The following SPON1 variants were observed in gnomAD, a reference collection of about 807,000 sequenced individuals.
SPON1 encodes the protein spondin 1.
In SPON1, 52 loss-of-function variants were observed where a neutral mutation model predicts 111.7. The ratio of observed to expected loss-of-function variants is 0.47; its 90% confidence interval spans 0.37 to 0.59. The LOEUF is 0.59. SPON1 is among the 20% of genes least tolerant of loss of function. The pLI, the probability that SPON1 is intolerant of heterozygous loss-of-function variation, is 0.00. For synonymous variants in SPON1, 410 were observed against 395.8 expected, an observed-to-expected ratio of 1.04 and a Z score of -0.43; for missense variants, 957 against 1,068.5, an observed-to-expected ratio of 0.90 and a Z score of 1.46.
At chr11:14,153,455 G>A (rs782634611) in intron 6 of SPON1, among the ~76,000 whole-genome samples, 12 of 152,116 alleles carry the variant, frequency 7.9e-5, no homozygotes, top group Admixed American at 7.9e-4. Flanking sequence ...AGAGCAGGGA[G>A]GGCCACACAC....
At chr11:14,202,860 G>A (rs1848478219) in intron 6 of SPON1, among the ~76,000 whole-genome samples, 1 of 152,048 alleles carries the variant, frequency 6.6e-6, no homozygotes, top group Admixed American at 6.5e-5. Context: ...ACACCGGGCA[G>A]AGTCAAGCAG....
chr11:14,209,236 T>C (rs1177185637), intron 6 of SPON1, among the ~76,000 whole-genome samples: 1 of 152,184 alleles, frequency 6.6e-6, no homozygotes, highest in Non-Finnish European at 1.5e-5. Context: ...AAAGCTTATA[T>C]GAGTGAGAGG....
chr11:14,211,040 GCCT>G (rs1471230112), intron 6 of SPON1, among the ~76,000 whole-genome samples: 1 of 152,158 alleles, frequency 6.6e-6, no homozygotes, highest in East Asian at 1.9e-4. Flanking sequence ...GTAGTGTGAT[GCCT>G]CTGGCTTTGT....
intron 6 of SPON1, among the ~76,000 whole-genome samples, chr11:14,221,111 G>A (rs551768878): frequency 6.6e-5 from 10 of 152,188 alleles, no homozygotes; most frequent in Admixed American, 3.3e-4. Flanking sequence ...TCACTTACTC[G>A]TTCATTCATT....
At chr11:13,989,639 G>C (rs776890153) in intron 2 of SPON1, among the ~76,000 whole-genome samples, 2 of 151,996 alleles carry the variant, frequency 1.3e-5, no homozygotes, top group African/African-American at 4.8e-5. Context: ...TTTGATGTTA[G>C]GGTGTCAATT....
chr11:14,105,419 T>C (rs1849177074), intron 5 of SPON1, among the ~76,000 whole-genome samples: 1 of 152,188 alleles, frequency 6.6e-6, no homozygotes, highest in Admixed American at 6.5e-5. Context: ...TTACCTATAC[T>C]ACCATTGTTT....
At chr11:14,208,487 A>G (rs11023142) in intron 6 of SPON1, among the ~76,000 whole-genome samples, 21,311 of 152,160 alleles carry the variant, frequency 0.14, 1,673 homozygotes, top group South Asian at 0.24. Context: ...AATATGTTAA[A>G]TGTTACCCAG....
intron 2 of SPON1, among the ~76,000 whole-genome samples, chr11:14,002,552 G>T (rs1384575621): frequency 6.6e-6 from 1 of 152,170 alleles, no homozygotes; most frequent in Admixed American, 6.5e-5. Context: ...GGAGGAATGT[G>T]GTAGGGAGTC....
At chr11:14,016,827 T>G (rs938705873) in intron 2 of SPON1, among the ~76,000 whole-genome samples, 2 of 152,338 alleles carry the variant, frequency 1.3e-5, no homozygotes, top group South Asian at 4.1e-4. Context: ...TTTTTTTCAT[T>G]TCAATTCAGG....
chr11:14,205,837 CAA>C (rs1463599983), intron 6 of SPON1, among the ~76,000 whole-genome samples: 10 of 152,154 alleles, frequency 6.6e-5, no homozygotes, highest in African/African-American at 2.4e-4. Flanking sequence ...TTGCTTCAGT[CAA>C]AGAGGTTCTA....
chr11:14,160,527 ATATATATTTATATATATATT>A (rs1847908416), intron 6 of SPON1, among the ~76,000 whole-genome samples: 2 of 7,112 alleles, frequency 2.8e-4, no homozygotes, highest in Non-Finnish European at 4.2e-4. Context: ...ATATTTACAT[ATATATATTTATATATATATT>A]TATATATATA....
intron 6 of SPON1, among the ~76,000 whole-genome samples, chr11:14,241,413 G>T: frequency 6.6e-6 from 1 of 152,218 alleles, no homozygotes; most frequent in East Asian, 1.9e-4. Flanking sequence ...TGCAGCAAGT[G>T]GAGGATGAAT....
chr11:14,090,871 C>T (rs1016838432), intron 5 of SPON1, among the ~76,000 whole-genome samples: 1 of 128,836 alleles, frequency 7.8e-6, no homozygotes, highest in African/African-American at 3.0e-5. Flanking sequence ...TTGGTAGAGC[C>T]CAGTAGCCTG....
intron 6 of SPON1, among the ~76,000 whole-genome samples, chr11:14,191,122 G>C (rs1269205244): frequency 6.6e-6 from 1 of 152,114 alleles, no homozygotes; most frequent in Admixed American, 6.5e-5. Flanking sequence ...CAAAAGAAGA[G>C]TGAAATGTTA....
chr11:14,267,164 A>G lies in SPON1; in HGVS notation c.*1477A>G, dbSNP rs1443049854. 2 of 152,218 alleles carry G rather than the reference A, an allele frequency of 1.3e-5. No homozygotes were observed. Among genetic ancestry groups the G allele is most frequent in the African/African-American group, 4.8e-5 (2 of 41,464 alleles). The allele number at this position is 152,218 out of a possible 1,614,324, so 9.4% of individuals were successfully genotyped here. A position where few individuals can be genotyped will look rare whatever the true frequency, so the allele number is the denominator to read the frequency against. On this transcript the variant is annotated 3_prime_UTR_variant, in exon 16 of 16. Coordinates refer to ENST00000576479, the MANE Select transcript of SPON1 (RefSeq NM_006108.4). The stretch of plus-strand genomic sequence containing the variant: ...AATACAACATAGTATAGTCCTGAAT[A>G]TGTACTTTTAACACAAGAGAGACTA...
intron 6 of SPON1, among the ~76,000 whole-genome samples, chr11:14,138,018 ATCC>A (rs2133862065): frequency 6.6e-6 from 1 of 152,362 alleles, no homozygotes; most frequent in South Asian, 2.1e-4. Context: ...AAGAATATGA[ATCC>A]TCCTAGAATA....
chr11:13,981,531 T>C (rs1253135239), intron 1 of SPON1, among the ~76,000 whole-genome samples: 1 of 152,220 alleles, frequency 6.6e-6, no homozygotes, highest in Non-Finnish European at 1.5e-5. Flanking sequence ...TTTCACCGTG[T>C]TAGCCAGGAT....
At position 14,174,277 on chromosome 11, in the gene SPON1, A is replaced by G. The variant is rs147898558; in HGVS notation, c.825+38709A>G. 3.9e-5 allele frequency among the ~76,000 whole-genome samples: 6 copies of G among 152,306 alleles called. No homozygotes were observed. In the East Asian group the frequency reaches 1.2e-3, roughly 29 times the overall value. On this transcript the variant is annotated intron_variant, in intron 6 of 15. Coordinates refer to ENST00000576479, the MANE Select transcript of SPON1 (RefSeq NM_006108.4). ...CTCTCATGAGGGAGTCTCATCTCCC[A>G]TTTGGGGATGAGGATGTTTCCTTGT... is the stretch of plus-strand genomic sequence containing the variant.
At chr11:14,241,329 G>T (rs903879576) in intron 6 of SPON1, among the ~76,000 whole-genome samples, 1 of 152,218 alleles carries the variant, frequency 6.6e-6, no homozygotes, top group African/African-American at 2.4e-5. Flanking sequence ...GCAAAACTCA[G>T]GAAGTAAGAA....
Sources: allele counts gnomAD v4.1 joint callset (sites outside exome capture counted in the v4.1 genomes callset), GRCh38; gene constraint gnomAD v4.1.1; transcripts MANE v1.5; gene names NCBI Gene and HGNC (gene_info 2026-07-23, HGNC 2026-07-21).